RBBP5: variants seen among roughly 807,000 people sequenced by gnomAD.
The protein encoded by RBBP5 is RB binding protein 5, histone lysine methyltransferase complex subunit.
RBBP5 carries 5 observed loss-of-function variants against 72.2 expected under a neutral mutation model. The observed-to-expected ratio is 0.07, with a 90% confidence interval of 0.04 to 0.15. The LOEUF is 0.15. Among genes scored for constraint, RBBP5 ranks in the 10% least tolerant of loss-of-function variants. RBBP5 has a pLI of 1.00. For missense variants in RBBP5, 322 were observed against 652.2 expected (o/e 0.49, Z 5.51); for synonymous variants, 209 against 237.2 (o/e 0.88, Z 1.09).
Position 205,105,157 on chromosome 1 carries a change from T to C in RBBP5, c.230A>G (p.Asp77Gly). ...HPVCSLCWSR[D>G]GHKLVSASTD... ...GGAAGCACTCACGAGTTTATGACCA[T>C]CTCGGCTCCAGCTGAGGAAAAAAAA... Residue 77 changes from aspartate (D) to glycine (G), a missense_variant, in exon 4 of 14, where the codon GAT becomes GGT. By Grantham distance (94) the Asp-to-Gly change is moderately conservative. Transcript: ENST00000264515. 1 of 1,611,000 alleles carries C rather than the reference T, an allele frequency of 6.2e-7. No individual in the cohort carries two copies. Among genetic ancestry groups the C allele is most frequent in the Non-Finnish European group, 8.5e-7 (1 of 1,178,334 alleles).
chr1:205,093,729 C>T (rs997361214), intron 13 of RBBP5, among the ~76,000 whole-genome samples: 3 of 150,860 alleles, frequency 2.0e-5, no homozygotes, highest in Non-Finnish European at 2.9e-5. Flanking sequence ...CTAGTAAACT[C>T]GAGATGGAAT....
At chr1:205,111,685 T>C (rs1656320487) in intron 3 of RBBP5, among the ~76,000 whole-genome samples, 1 of 152,220 alleles carries the variant, frequency 6.6e-6, no homozygotes, top group African/African-American at 2.4e-5. Context: ...TATGTTCACT[T>C]ACTGTTGCCC....
chr1:205,093,556 A>ACACACACACACACG (rs1655490542), intron 13 of RBBP5, among the ~76,000 whole-genome samples: 3 of 123,160 alleles, frequency 2.4e-5, no homozygotes, highest in African/African-American at 1.0e-4. Flanking sequence ...ACACACACAC[A>ACACACACACACACG]CACACACACA....
At position 205,088,750 on chromosome 1, in the gene RBBP5, T is replaced by C. The variant is rs777352467; in HGVS notation, c.*37A>G. Reference sequence around the variant, plus strand: ...ACCACAGTGTCCAGAGGCCACATGATGGCAAAGTGAGAAAGAATGAAGAAC... The same window carrying C: ...ACCACAGTGTCCAGAGGCCACATGACGGCAAAGTGAGAAAGAATGAAGAAC... On this transcript the variant is annotated 3_prime_UTR_variant, in exon 14 of 14. Coordinates refer to ENST00000264515, the MANE Select transcript of RBBP5 (RefSeq NM_005057.4). 1.3e-6 allele frequency: 2 copies of C among 1,572,754 alleles called. No individual in the cohort carries two copies. The highest frequency in any genetic ancestry group is 8.7e-7 in the Non-Finnish European group (1 of 1,148,496).
At position 205,103,932 on chromosome 1, in the gene RBBP5, A is replaced by G. The variant is rs1437055682; in HGVS notation, c.447T>C (p.Asp149=). The G allele has an allele frequency of 1.9e-6, 3 of 1,614,058 alleles. No homozygotes were observed. The East Asian group carries it at 6.7e-5, about 36-fold the overall frequency. ...ATGCCACAACGTTCAAATCGGAGTC[A>G]TCGTCCACCGGCAGAACAACATGTT... ...DSKHVVLPVD[D]DSDLNVVASF... The change falls in exon 5 of 14, where the codon GAT becomes GAC. Residue 149 remains aspartate, a synonymous_variant. Transcript: ENST00000264515.
chr1:205,101,862 C>T (rs560930273), intron 5 of RBBP5, among the ~76,000 whole-genome samples, 153 bp from the exon 6 acceptor site: 11 of 150,262 alleles, frequency 7.3e-5, no homozygotes, highest in African/African-American at 2.7e-4. Context: ...TGCTGTTTTG[C>T]TTCCTTAAGT....
intron 13 of RBBP5, 26 bp from the exon 14 acceptor site, chr1:205,088,841 T>A: frequency 6.4e-7 from 1 of 1,551,170 alleles, no homozygotes; most frequent in Non-Finnish European, 8.7e-7. Flanking sequence ...ACAAAAAGAT[T>A]TCTTTTAGCT....
intron 1 of RBBP5, among the ~76,000 whole-genome samples, chr1:205,121,496 C>A (rs191687249): frequency 6.6e-6 from 1 of 152,298 alleles, no homozygotes; most frequent in Non-Finnish European, 1.5e-5. Flanking sequence ...CACCCAATTC[C>A]CTGACAAGTC....
chr1:205,097,229 G>A (rs1407175233), intron 11 of RBBP5, 97 bp downstream of exon 11: 2 of 1,173,524 alleles, frequency 1.7e-6, no homozygotes, highest in East Asian at 2.6e-5. Flanking sequence ...CTAATAAGCA[G>A]ACGGGAATGA....
At chr1:205,117,660 CA>C (rs1020659724) in intron 1 of RBBP5, among the ~76,000 whole-genome samples, 1 of 150,244 alleles carries the variant, frequency 6.7e-6, no homozygotes, top group Non-Finnish European at 1.5e-5. Flanking sequence ...AACTCTGTCT[CA>C]AAAAAAGAAT....
rs535563042 is a variant in RBBP5, at chr1:205,114,405, T to A, written c.218+384A>T. Among the ~76,000 whole-genome samples the A allele has an allele frequency of 1.1e-4, 16 of 152,358 alleles. 1 individual carries two copies. The highest frequency in any genetic ancestry group is 3.4e-3 in the Middle Eastern group (1 of 294). Reference sequence around the variant, plus strand: ...TATTTCATTGAAGGAATAGTCATACTTGTGACCACTAAAATTACTGGAATT... The same window carrying A: ...TATTTCATTGAAGGAATAGTCATACATGTGACCACTAAAATTACTGGAATT... On this transcript the variant is annotated intron_variant, in intron 3 of 13. Coordinates refer to ENST00000264515, the MANE Select transcript of RBBP5 (RefSeq NM_005057.4).
At chr1:205,093,950 C>T (rs558848544) in intron 13 of RBBP5, among the ~76,000 whole-genome samples, 2 of 152,042 alleles carry the variant, frequency 1.3e-5, no homozygotes, top group Non-Finnish European at 2.9e-5. Flanking sequence ...ACCAAACTAG[C>T]CACAAAAAAA....
chr1:205,107,570 G>A (rs1261553419), intron 3 of RBBP5, among the ~76,000 whole-genome samples: 2 of 152,036 alleles, frequency 1.3e-5, no homozygotes, highest in Non-Finnish European at 2.9e-5. Context: ...CATAATGTTC[G>A]GAAAAGATTA....
chr1:205,117,671 T>TAATAAA lies in RBBP5; in HGVS notation c.20-1794_20-1789dup, dbSNP rs869123996. On this transcript the variant is annotated intron_variant, in intron 1 of 13. Transcript: ENST00000264515. ...GGGAAACTCTGTCTCAAAAAAAGAA[T>TAATAAA]AATAAAAATAAAAATAAAAATAAAC... is the stretch of plus-strand genomic sequence containing the variant. Among the ~76,000 whole-genome samples the TAATAAA allele has an allele frequency of 7.3e-5, 11 of 151,508 alleles. No individual in the cohort carries two copies. In the East Asian group the frequency reaches 1.6e-3, roughly 22 times the overall value.
At position 205,096,810 on chromosome 1, in the gene RBBP5, A is replaced by T. The variant is rs1655637293; in HGVS notation, c.1268T>A (p.Val423Asp). The change falls in exon 12 of 14, where the codon GTC becomes GAC. Residue 423 changes from valine (V) to aspartate (D), a missense_variant. Physicochemically the swap from Val to Asp is radical, Grantham distance 152. This residue lies in a region of RBBP5 where 109 missense variants were observed against 146.3 expected (regional missense o/e 0.75). Coordinates refer to ENST00000264515, the MANE Select transcript of RBBP5 (RefSeq NM_005057.4). Reference protein sequence around the residue: ...ENPYGPPPDAVQTSLMDEGAS... With the variant: ...ENPYGPPPDADQTSLMDEGAS... ...CCCTTCATCCATCAAGGAGGTTTGGACTGCATCCGGTGGGGGGCCGTAAGG... is the reference window on the plus strand; with the variant it reads ...CCCTTCATCCATCAAGGAGGTTTGGTCTGCATCCGGTGGGGGGCCGTAAGG... 3 of 1,614,124 alleles carry T rather than the reference A, an allele frequency of 1.9e-6. No homozygotes were observed. In the African/African-American group the frequency reaches 4.0e-5, roughly 22 times the overall value.
At chr1:205,114,614 GA>G (rs1332287846) in intron 3 of RBBP5, among the ~76,000 whole-genome samples, 174 bp downstream of exon 3, 2 of 152,142 alleles carry the variant, frequency 1.3e-5, no homozygotes, top group African/African-American at 2.4e-5. Context: ...TTTCTCCCAA[GA>G]AAGGTGCTTC....
chr1:205,099,164 C>G lies in RBBP5; in HGVS notation c.979-58G>C. On this transcript the variant is annotated intron_variant, in intron 9 of 13. Transcript: ENST00000264515. The surrounding 1 kb of genome is among the most constrained non-coding windows in gnomAD (Gnocchi z 4.7). Reference sequence around the variant, plus strand: ...TGAAAGCAATAATCTGTAATCTACACATTAATGATAAAATGAAAGATGTGA... The same window carrying G: ...TGAAAGCAATAATCTGTAATCTACAGATTAATGATAAAATGAAAGATGTGA... 4 of 956,248 alleles carry G rather than the reference C, an allele frequency of 4.2e-6. No individual in the cohort carries two copies. The highest frequency in any genetic ancestry group is 4.5e-6 in the Non-Finnish European group (3 of 659,452). 59.2% of individuals were successfully genotyped at this position (956,248 alleles called of 1,614,324 possible).
rs767077178 is a variant in RBBP5, at chr1:205,103,926, G to A, written c.453C>T (p.Ser151=). ...CAAAAGATGCCACAACGTTCAAATC[G>A]GAGTCATCGTCCACCGGCAGAACAA... ...KHVVLPVDDD[S]DLNVVASFDR... is the part of the protein sequence containing the mutation. Residue 151 remains serine (S), a synonymous_variant, in exon 5 of 14, where the codon TCC becomes TCT. Coordinates refer to ENST00000264515, the MANE Select transcript of RBBP5 (RefSeq NM_005057.4). 28 of 1,613,790 alleles carry A rather than the reference G, an allele frequency of 1.7e-5. No homozygotes were observed. Among genetic ancestry groups the A allele is most frequent in the Admixed American group, 3.3e-5 (2 of 59,970 alleles).
chr1:205,091,718 G>A (rs1448892273), intron 13 of RBBP5: 1 of 152,126 alleles, frequency 6.6e-6, no homozygotes, highest in Non-Finnish European at 1.5e-5. Context: ...CATCTAACTT[G>A]GGTAGTAACA....
Sources: gnomAD v4.1 joint callset for allele counts (sites outside exome capture counted in the v4.1 genomes callset) on GRCh38, gnomAD v4.1.1 for gene constraint, gnomAD v4.1.1 regional missense constraint, Gnocchi (gnomAD v3.1) non-coding constraint, MANE v1.5 for transcripts, NCBI Gene and HGNC (gene_info 2026-07-23, HGNC 2026-07-21) for gene names.